The following CACNA1C variants were observed in gnomAD, a reference collection of about 807,000 sequenced individuals.
CACNA1C encodes the protein voltage-dependent L-type calcium channel subunit alpha-1C.
Under a neutral mutation model 229.0 loss-of-function variants are expected in CACNA1C, and 30 were observed. The ratio of observed to expected loss-of-function variants is 0.13; its 90% CI spans 0.10 to 0.18. CACNA1C has a LOEUF of 0.18. Among genes scored for constraint, CACNA1C ranks in the 10% least tolerant of loss-of-function variants. CACNA1C has a pLI of 1.00. For missense variants in CACNA1C, 1,658 were observed against 2,845.0 expected (o/e 0.58, Z 9.49); for synonymous variants, 1,114 against 1,132.5 (o/e 0.98, Z 0.33).
intron 30 of CACNA1C, among the ~76,000 whole-genome samples, chr12:2,634,954 T>C (rs1177020239): frequency 6.6e-6 from 1 of 152,142 alleles, no homozygotes; most frequent in East Asian, 1.9e-4. Context: ...CTGTTTTCAT[T>C]TAACATCAGC....
At chr12:1,993,495 A>G in intron 1 of CACNA1C, 1 of 1,432,164 alleles carries the variant, frequency 7.0e-7, no homozygotes, top group Non-Finnish European at 9.4e-7. Context: ...CTTTGTTTGT[A>G]TATGCAGCTT....
At chr12:1,993,652 GTGTGTA>G (rs992508689) in intron 1 of CACNA1C, among the ~76,000 whole-genome samples, 11 of 149,618 alleles carry the variant, frequency 7.4e-5, no homozygotes, top group Admixed American at 4.1e-4. Flanking sequence ...GTGTGTGTGT[GTGTGTA>G]TACAGATGTT....
chr12:2,102,910 G>T (rs1435535693), intron 1 of CACNA1C, among the ~76,000 whole-genome samples: 2 of 152,188 alleles, frequency 1.3e-5, no homozygotes, highest in Non-Finnish European at 2.9e-5. Context: ...CAAAGGACAT[G>T]AACTCATCCT....
intron 3 of CACNA1C, among the ~76,000 whole-genome samples, chr12:2,341,149 C>T (rs1034470570): frequency 2.6e-5 from 4 of 152,262 alleles, no homozygotes; most frequent in South Asian, 2.1e-4. Flanking sequence ...TTTTCACCTG[C>T]GGTGGCTTGG....
chr12:2,038,888 G>A (rs1323860008), intron 1 of CACNA1C, among the ~76,000 whole-genome samples: 1 of 151,946 alleles, frequency 6.6e-6, no homozygotes, highest in Non-Finnish European at 1.5e-5. Flanking sequence ...TATGTTGACA[G>A]GTGAAATCCC....
rs552785307 is a variant in CACNA1C at position 2,067,172 on chromosome 12, C to T, written c.49+13561C>T. ...AGCTCTGTAGGAGGCGTGCCAAGCT[C>T]GAGCTGGTGTGGGAGAATCAAGGTG... On this transcript the variant is annotated intron_variant, in intron 1 of 46. Transcript: ENST00000399655. The surrounding 1 kb of genome is among the most constrained non-coding windows in gnomAD (Gnocchi z 5.3). Among the ~76,000 whole-genome samples, 19 of 152,160 alleles carry T rather than the reference C, an allele frequency of 1.2e-4. 1 individual carries two copies. The highest frequency in any genetic ancestry group is 2.1e-4 in the South Asian group (1 of 4,808).
intron 3 of CACNA1C, among the ~76,000 whole-genome samples, chr12:2,179,900 A>G (rs540561206): frequency 6.6e-6 from 1 of 152,306 alleles, no homozygotes; most frequent in African/African-American, 2.4e-5. Flanking sequence ...AGCTTCTACC[A>G]TGCTCTTTCT....
intron 3 of CACNA1C, among the ~76,000 whole-genome samples, chr12:2,258,397 T>C (rs1420847484): frequency 1.3e-5 from 2 of 152,232 alleles, no homozygotes; most frequent in Non-Finnish European, 2.9e-5. Context: ...TACTCATTAA[T>C]TTTTGAAAAC....
chr12:2,178,508 G>A (rs567027654), intron 3 of CACNA1C, among the ~76,000 whole-genome samples: 3 of 152,310 alleles, frequency 2.0e-5, no homozygotes, highest in Admixed American at 6.5e-5. Context: ...TTGTCTTGTG[G>A]TATCAATGCT....
intron 3 of CACNA1C, among the ~76,000 whole-genome samples, chr12:2,147,548 T>C (rs1481236298): frequency 1.3e-5 from 2 of 151,174 alleles, no homozygotes; most frequent in Non-Finnish European, 3.0e-5. Context: ...ATAATTTCCA[T>C]TAACTGCATT....
intron 1 of CACNA1C, among the ~76,000 whole-genome samples, chr12:2,072,144 A>G (rs2061562841): frequency 6.6e-6 from 1 of 151,750 alleles, no homozygotes; most frequent in African/African-American, 2.4e-5. Context: ...TGTAAGGGGA[A>G]ACTCTTCAAA....
chr12:2,308,644 C>T (rs934531714), intron 3 of CACNA1C, among the ~76,000 whole-genome samples: 2 of 152,148 alleles, frequency 1.3e-5, no homozygotes, highest in Non-Finnish European at 1.5e-5. Flanking sequence ...TCTTCTTTCT[C>T]AAGAGTGCTT....
At chr12:2,026,168 G>A (rs1191651611) in intron 1 of CACNA1C, among the ~76,000 whole-genome samples, 2 of 152,208 alleles carry the variant, frequency 1.3e-5, no homozygotes, top group East Asian at 1.9e-4. Flanking sequence ...GAAGGTGAGA[G>A]TTGGAGGTCT....
At chr12:2,536,507 C>T (rs1166218354) in intron 9 of CACNA1C, among the ~76,000 whole-genome samples, 1 of 152,172 alleles carries the variant, frequency 6.6e-6, no homozygotes, top group Non-Finnish European at 1.5e-5. Flanking sequence ...TGATGACCCT[C>T]TCTGGACCTT....
At position 2,651,862 on chromosome 12, in the gene CACNA1C, G is replaced by T; in HGVS notation, c.4074+94G>T. ...CACAAGGAGGAGCCCTCCACTCTGG[G>T]GCCCTGCTCCTTCCTCTGTGTGGCA... On this transcript the variant is annotated intron_variant, in intron 32 of 46. Coordinates refer to ENST00000399655, the MANE Select transcript of CACNA1C (RefSeq NM_000719.7). This position sits in a 1 kb window ranked among gnomAD's most constrained non-coding sequence, Gnocchi z 5.4. 1.0e-6 allele frequency: 1 copy of T among 993,070 alleles called. No homozygotes were observed. Among genetic ancestry groups the T allele is most frequent in the South Asian group, 1.7e-5 (1 of 58,800 alleles). 61.5% of individuals were successfully genotyped at this position (993,070 alleles called of 1,614,324 possible). A position where few individuals can be genotyped will look rare whatever the true frequency, so the allele number is the denominator to read the frequency against.
chr12:2,535,364 G>A (rs1177124482), intron 9 of CACNA1C, among the ~76,000 whole-genome samples: 1 of 150,652 alleles, frequency 6.6e-6, no homozygotes, highest in African/African-American at 2.5e-5. Context: ...ACTCCAGCCT[G>A]GACAACAGAG....
intron 3 of CACNA1C, among the ~76,000 whole-genome samples, chr12:2,234,612 T>C (rs1312195268): frequency 6.6e-6 from 1 of 152,196 alleles, no homozygotes; most frequent in East Asian, 1.9e-4. Flanking sequence ...AATGAGTCTT[T>C]AGTGCCTCCC....
chr12:2,675,160 C>A (rs143265896), intron 39 of CACNA1C, among the ~76,000 whole-genome samples: 1 of 152,108 alleles, frequency 6.6e-6, no homozygotes, highest in Non-Finnish European at 1.5e-5. Context: ...TTACTATGAT[C>A]CTGAATGAAA....
chr12:2,624,970 G>A (rs2085483081), intron 29 of CACNA1C, among the ~76,000 whole-genome samples: 1 of 152,234 alleles, frequency 6.6e-6, no homozygotes, highest in Non-Finnish European at 1.5e-5. Flanking sequence ...CCAAAGCTGT[G>A]TGGGCCAAGC....
Sources: gnomAD v4.1 joint callset for allele counts (sites outside exome capture counted in the v4.1 genomes callset) on GRCh38, gnomAD v4.1.1 for gene constraint, Gnocchi (gnomAD v3.1) non-coding constraint, MANE v1.5 for transcripts, NCBI Gene and HGNC (gene_info 2026-07-23, HGNC 2026-07-21) for gene names.